PIEZO1: variants seen among roughly 807,000 people sequenced by gnomAD.
The protein encoded by PIEZO1 is piezo-type mechanosensitive ion channel component 1.
In PIEZO1, 296 loss-of-function variants were observed where a neutral mutation model predicts 297.2. The observed-to-expected ratio is 1.00, with a 90% confidence interval of 0.91 to 1.10. PIEZO1 has a LOEUF of 1.10. Among genes scored for constraint, PIEZO1 ranks in the 50% least tolerant of loss-of-function variants. The pLI is 0.00. For synonymous variants in PIEZO1, 2,427 were observed against 1,507.5 expected (o/e 1.61, Z -14.13); for missense variants, 5,018 against 3,455.5 (o/e 1.45, Z -11.34).
intron 1 of PIEZO1, among the ~76,000 whole-genome samples, chr16:88,770,202 AGAG>A (rs1317444556): frequency 1.3e-5 from 2 of 151,838 alleles, no homozygotes. Context: ...TGCCAAAGCC[AGAG>A]GAGGCCTGCA....
At chr16:88,746,345 C>T (rs986461605) in intron 2 of PIEZO1, among the ~76,000 whole-genome samples, 1 of 152,134 alleles carries the variant, frequency 6.6e-6, no homozygotes, top group Non-Finnish European at 1.5e-5. Flanking sequence ...GGGTTTTATC[C>T]TAAGGCAGGA....
chr16:88,758,021 C>G (rs1028386398), intron 1 of PIEZO1, among the ~76,000 whole-genome samples: 3 of 152,168 alleles, frequency 2.0e-5, no homozygotes, highest in Non-Finnish European at 4.4e-5. Flanking sequence ...ACCTAACTGG[C>G]AGAGAGGATA....
rs1158164981 is a variant in PIEZO1, at chr16:88,716,480, G to A, written c.6930C>T (p.Asp2310=). The A allele has an allele frequency of 6.5e-7, 1 of 1,546,208 alleles. No homozygotes were observed. The highest frequency in any genetic ancestry group is 1.4e-5 in the African/African-American group (1 of 73,024). Residue 2310 remains aspartate (D), a synonymous_variant, in exon 48 of 51, where the codon GAC becomes GAT. Transcript: ENST00000301015. ...TLRFTWNFQR[D]LAKGGTVEYA... is the part of the protein sequence containing the mutation. ...ACTCCACAGTGCCTCCCTTCGCCAG[G>A]TCCCTGGGGGTGGGAACACAGCGTG...
rs773734194 is a variant in PIEZO1 at position 88,734,314 on chromosome 16, G to A, written c.2180+42C>T. On this transcript the variant is annotated intron_variant, in intron 16 of 50. Coordinates refer to ENST00000301015, the MANE Select transcript of PIEZO1 (RefSeq NM_001142864.4). ...CCTGGCTCCCTCCCTGGCCCAGGAGGCTACACCTCTCCAGGGCCGGACAGG... is the reference window on the plus strand; with the variant it reads ...CCTGGCTCCCTCCCTGGCCCAGGAGACTACACCTCTCCAGGGCCGGACAGG... 25 of 1,460,194 alleles carry A rather than the reference G, an allele frequency of 1.7e-5. No individual in the cohort carries two copies. The African/African-American group carries it at 3.0e-4, about 17-fold the overall frequency. The allele number at this position is 1,460,194 out of a possible 1,614,324, so 90.5% of individuals were successfully genotyped here. A position where few individuals can be genotyped will look rare whatever the true frequency, so the allele number is the denominator to read the frequency against.
At chr16:88,742,163 G>A (rs1235029933) in intron 3 of PIEZO1, 68 bp from the exon 4 acceptor site, 1 of 1,525,340 alleles carries the variant, frequency 6.6e-7, no homozygotes, top group South Asian at 1.2e-5. Context: ...GGTCATCCCT[G>A]GAGCGTTTCA....
chr16:88,723,436 CT>C, intron 31 of PIEZO1, 108 bp from the exon 32 acceptor site: 1 of 1,280,408 alleles, frequency 7.8e-7, no homozygotes, highest in South Asian at 1.4e-5. Flanking sequence ...TGCTCTGTGT[CT>C]CCCAGGGACC....
chr16:88,762,668 T>C (rs2142887243), intron 1 of PIEZO1, among the ~76,000 whole-genome samples: 1 of 152,312 alleles, frequency 6.6e-6, no homozygotes, highest in Admixed American at 6.5e-5. Flanking sequence ...AAGTGCTGTG[T>C]CGGCCCTGAC....
intron 2 of PIEZO1, chr16:88,745,603 C>G (rs1459297418): frequency 2.0e-5 from 3 of 152,106 alleles, no homozygotes; most frequent in Admixed American, 6.6e-5. Context: ...ATTAGCCAGG[C>G]GTGGTGATGG....
At chr16:88,745,747 TCAAA>T (rs1219504827) in intron 2 of PIEZO1, 1 of 18,874 alleles carries the variant, frequency 5.3e-5, no homozygotes, top group African/African-American at 3.3e-4. Context: ...AGACTCCGTC[TCAAA>T]AAAAAAAAAA....
At chr16:88,768,642 A>T (rs1368272678) in intron 1 of PIEZO1, among the ~76,000 whole-genome samples, 1 of 152,202 alleles carries the variant, frequency 6.6e-6, no homozygotes, top group African/African-American at 2.4e-5. Flanking sequence ...ACAGGGCAAG[A>T]GCGCTTCCCT....
chr16:88,763,384 G>C (rs1907018621), intron 1 of PIEZO1, among the ~76,000 whole-genome samples: 1 of 152,200 alleles, frequency 6.6e-6, no homozygotes, highest in African/African-American at 2.4e-5. Flanking sequence ...TCTTCATCTA[G>C]AAAGTAGCAG....
chr16:88,784,878 C>G (rs911625933), intron 1 of PIEZO1, 23 bp downstream of exon 1: 1 of 1,427,584 alleles, frequency 7.0e-7, no homozygotes, highest in Non-Finnish European at 9.2e-7. Flanking sequence ...CCCGTCGCCC[C>G]CAGGCGCCCG....
Position 88,722,972 on chromosome 16 carries a change from C to G in PIEZO1, c.4533G>C (p.Ala1511=). The G allele has an allele frequency of 4.5e-6, 7 of 1,548,492 alleles. No homozygotes were observed. The highest frequency in any genetic ancestry group is 5.2e-6 in the Non-Finnish European group (6 of 1,146,710). Residue 1511 remains alanine, a synonymous_variant, in exon 34 of 51, where the codon GCG becomes GCC. Coordinates refer to ENST00000301015, the MANE Select transcript of PIEZO1 (RefSeq NM_001142864.4). ...CCTGCCCCAGCATCCACAGGAACTG[C>G]GCCGTGCTCAGCACCCTCTGCACCA... is the stretch of plus-strand genomic sequence containing the variant. ...SHVVQRVLST[A]QFLWMLGQAL... is the part of the protein sequence containing the mutation.
rs944507003 is a variant in PIEZO1 at position 88,756,595 on chromosome 16, C to A, written c.65-7116G>T. Among the ~76,000 whole-genome samples the A allele has an allele frequency of 2.0e-5, 3 of 151,834 alleles. 1 individual carries two copies. The highest frequency in any genetic ancestry group is 7.3e-5 in the African/African-American group (3 of 41,296). The stretch of plus-strand genomic sequence containing the variant: ...CCAGCCTGGCCAACATGGTGAAACC[C>A]CATCTCTACTAAAAATACAAAATGT... On this transcript the variant is annotated intron_variant, in intron 1 of 50. Coordinates refer to ENST00000301015, the MANE Select transcript of PIEZO1 (RefSeq NM_001142864.4).
intron 10 of PIEZO1, 116 bp from the exon 11 acceptor site, chr16:88,736,855 G>C: frequency 1.6e-6 from 1 of 631,060 alleles, no homozygotes; most frequent in Non-Finnish European, 2.7e-6. Context: ...CAGGCCCCCG[G>C]TGGGCTATGG....
At chr16:88,717,327 C>T in intron 44 of PIEZO1, 116 bp from the exon 45 acceptor site, 6 of 858,946 alleles carry the variant, frequency 7.0e-6, no homozygotes, top group South Asian at 1.5e-5. Flanking sequence ...CTCAGTATGG[C>T]ACAGCGGTAG....
intron 10 of PIEZO1, chr16:88,737,291 AG>A (rs1453432106): frequency 1.2e-5 from 5 of 423,530 alleles, no homozygotes; most frequent in Non-Finnish European, 2.1e-5. Flanking sequence ...GGGGACCTGG[AG>A]GCCCCCCATG....
intron 22 of PIEZO1, chr16:88,731,478 G>A (rs1175640814): frequency 5.3e-6 from 3 of 567,934 alleles, no homozygotes; most frequent in Admixed American, 3.2e-5. Flanking sequence ...AGAATACTGG[G>A]CAAAAAAGGA....
rs1597494981 is a variant in PIEZO1, at chr16:88,784,847, G to A, written c.64+54C>T. ...GCGTCGTCCGGTGTCCAGGCCGTGG[G>A]GAGCCGAGACGCAGCCCCCTCCCGT... On this transcript the variant is annotated intron_variant, in intron 1 of 50. Transcript: ENST00000301015. The A allele has an allele frequency of 3.1e-6, 4 of 1,279,834 alleles. No homozygotes were observed. In the East Asian group the frequency reaches 1.0e-4, roughly 32 times the overall value. The allele number at this position is 1,279,834 out of a possible 1,614,324, so 79.3% of individuals were successfully genotyped here. A position where few individuals can be genotyped will look rare whatever the true frequency, so the allele number is the denominator to read the frequency against.
Sources: allele counts gnomAD v4.1 joint callset (sites outside exome capture counted in the v4.1 genomes callset), GRCh38; gene constraint gnomAD v4.1.1; transcripts MANE v1.5; gene names NCBI Gene and HGNC (gene_info 2026-07-23, HGNC 2026-07-21).